Variants in ADAM28 observed in about 807,000 individuals in gnomAD.
ADAM28 encodes the protein disintegrin and metalloproteinase domain-containing protein 28.
ADAM28 carries 105 observed loss-of-function variants against 101.2 expected under a neutral mutation model. The observed-to-expected ratio is 1.04, with a 90% CI of 0.89 to 1.22. The LOEUF (loss-of-function observed/expected upper bound fraction) is 1.22, where lower values mean the gene tolerates loss of function less well. ADAM28 is among the 50% of genes most tolerant of loss of function. The probability of loss-of-function intolerance (pLI) is 0.00; values close to 1 mark genes in which losing one functional copy is unlikely to be tolerated. For synonymous variants in ADAM28, 322 were observed against 310.6 expected (o/e 1.04, Z -0.39); for missense variants, 1,028 against 945.4 (o/e 1.09, Z -1.15).
At chr8:24,324,120 G>T in intron 9 of ADAM28, 117 bp downstream of exon 9, 1 of 836,268 alleles carries the variant, frequency 1.2e-6, no homozygotes, top group Non-Finnish European at 1.7e-6. Context: ...CACTTACTTG[G>T]ATTATATGTC....
intron 13 of ADAM28, among the ~76,000 whole-genome samples, chr8:24,333,191 T>C (rs972589374): frequency 6.6e-6 from 1 of 152,060 alleles, no homozygotes. Context: ...GAGATGATGG[T>C]CAAAAGGGAC....
At chr8:24,350,352 C>G (rs548531931) in intron 19 of ADAM28, among the ~76,000 whole-genome samples, 1 of 152,214 alleles carries the variant, frequency 6.6e-6, no homozygotes, top group South Asian at 2.1e-4. Flanking sequence ...CCCTCTGTGG[C>G]CCAGGCTGGA....
Position 24,343,166 on chromosome 8 carries a change from G to C in ADAM28, c.1896G>C (p.Lys632Asn). 6.2e-7 allele frequency: 1 copy of C among 1,613,814 alleles called. No homozygotes were observed. Among genetic ancestry groups the C allele is most frequent in the African/African-American group, 1.3e-5 (1 of 75,032 alleles). The change falls in exon 17 of 23, where the codon AAG becomes AAC. Residue 632 changes from lysine (K) to asparagine (N), a missense_variant. Coordinates refer to ENST00000265769, the MANE Select transcript of ADAM28 (RefSeq NM_014265.6). ...KAYKSTNCSS[K>N]CKGHAVCDHE... is the part of the protein sequence containing the mutation. Reference sequence around the variant, plus strand: ...ACAAATCAACCAATTGCTCATCTAAGTGCAAAGGACATGCTGTAAGTTCTG... The same window carrying C: ...ACAAATCAACCAATTGCTCATCTAACTGCAAAGGACATGCTGTAAGTTCTG...
At chr8:24,351,152 T>A (rs904049960) in intron 19 of ADAM28, 80 bp from the exon 20 acceptor site, 2 of 1,169,722 alleles carry the variant, frequency 1.7e-6, no homozygotes, top group Non-Finnish European at 2.4e-6. Context: ...GAAAAAGAAG[T>A]TGGGAATCTT....
chr8:24,308,682 A>G (rs1210903366), intron 2 of ADAM28: 1 of 456,132 alleles, frequency 2.2e-6, no homozygotes, highest in Admixed American at 2.3e-5. Flanking sequence ...ATCAACCTCT[A>G]CTTATCTAGG....
At chr8:24,350,607 G>A (rs1323924598) in intron 19 of ADAM28, among the ~76,000 whole-genome samples, 3 of 152,066 alleles carry the variant, frequency 2.0e-5, no homozygotes, top group South Asian at 2.1e-4. Flanking sequence ...CTCCACACCC[G>A]GCCGTGTGCT....
In ADAM28 at chr8:24,339,531, C is replaced by T. The variant is rs147269596; in HGVS notation, c.1633C>T (p.Arg545Cys). The change falls in exon 15 of 23, where the codon CGC becomes TGC. Residue 545 changes from arginine (R) to cysteine (C), a missense_variant. Transcript: ENST00000265769. The part of the protein sequence containing the change: ...NEGGSKYGYC[R>C]RVDDTLIPCK... Reference sequence around the variant, plus strand: ...AGGTGGGTCAAAGTACGGGTACTGTCGCAGAGTGGATGACACACTCATTCC... The same window carrying T: ...AGGTGGGTCAAAGTACGGGTACTGTTGCAGAGTGGATGACACACTCATTCC... The T allele has an allele frequency of 1.5e-4, 236 of 1,612,894 alleles. No homozygotes were observed. In the East Asian group the frequency reaches 4.0e-3, roughly 27 times the overall value.
intron 16 of ADAM28, among the ~76,000 whole-genome samples, chr8:24,342,722 A>G (rs62498246): frequency 0.18 from 26,717 of 152,006 alleles, 2,471 homozygotes; most frequent in East Asian, 0.34. Context: ...CCTGGCATGG[A>G]TGTTGCAGTG....
chr8:24,354,594 C>A lies in ADAM28; in HGVS notation c.*190C>A. The A allele has an allele frequency of 2.1e-6, 1 of 482,722 alleles. No homozygotes were observed. The allele number at this position is 482,722 out of a possible 1,614,324, so 29.9% of individuals were successfully genotyped here. ...TCAAGAGGAACATATGCCTGAGAAC[C>A]TTTGCATGAATTTAAAATTTCAATT... On this transcript the variant is annotated 3_prime_UTR_variant, in exon 23 of 23. Transcript: ENST00000265769.
At chr8:24,299,934 G>T (rs766858101) in intron 1 of ADAM28, 40 bp from the exon 2 acceptor site, 14 of 1,540,790 alleles carry the variant, frequency 9.1e-6, no homozygotes, top group Admixed American at 1.7e-5. Context: ...GCCTACTTCA[G>T]TTCTACCTGG....
intron 13 of ADAM28, among the ~76,000 whole-genome samples, chr8:24,333,873 C>G (rs1013362939): frequency 6.6e-5 from 10 of 152,102 alleles, no homozygotes; most frequent in African/African-American, 1.9e-4. Context: ...TGTTTCCATA[C>G]TCAGATTGAC....
chr8:24,341,488 A>G (rs1814755780), intron 15 of ADAM28, 110 bp from the exon 16 acceptor site: 1 of 1,114,470 alleles, frequency 9.0e-7, no homozygotes, highest in African/African-American at 1.6e-5. Context: ...AAGTACAACT[A>G]AGAGTCTCGG....
At position 24,313,496 on chromosome 8, in the gene ADAM28, T is replaced by G; in HGVS notation, c.492T>G (p.Asn164Lys). The G allele has an allele frequency of 6.2e-7, 1 of 1,613,874 alleles. No individual in the cohort carries two copies. The highest frequency in any genetic ancestry group is 1.3e-5 in the African/African-American group (1 of 74,998). The change falls in exon 6 of 23, where the codon AAT (asparagine) becomes AAG (lysine). Residue 164 changes from asparagine to lysine, a missense_variant. Physicochemically the swap from Asn to Lys is moderately conservative, Grantham distance 94. Transcript: ENST00000265769. ...TCAAGTATAACCCTGATGAAAAGAA[T>G]TATGACAGCACCTGTGGGATGGATG... ...ALFKYNPDEK[N>K]YDSTCGMDGV...
At position 24,303,841 on chromosome 8, in the gene ADAM28, T is replaced by C. The variant is rs371006641; in HGVS notation, c.150+3764T>C. On this transcript the variant is annotated intron_variant, in intron 2 of 22. Coordinates refer to ENST00000265769, the MANE Select transcript of ADAM28 (RefSeq NM_014265.6). ...CTTAAGCAGTGGTTTGTGTTCTCCT[T>C]GAAGAGGTCCTTCACTTCCCTTGTT... Among the ~76,000 whole-genome samples the C allele has an allele frequency of 2.6e-5, 4 of 152,278 alleles. No homozygotes were observed. In the South Asian group the frequency reaches 8.3e-4, roughly 32 times the overall value.
At position 24,343,136 on chromosome 8, in the gene ADAM28, A is replaced by G; in HGVS notation, c.1866A>G (p.Lys622=). 1 of 1,613,854 alleles carries G rather than the reference A, an allele frequency of 6.2e-7. No individual in the cohort carries two copies. The highest frequency in any genetic ancestry group is 8.5e-7 in the Non-Finnish European group (1 of 1,179,808). ...CINAECVDIE[K]AYKSTNCSSK... ...ATGCAGAATGTGTGGATATTGAGAA[A>G]GCCTACAAATCAACCAATTGCTCAT... The change falls in exon 17 of 23, where the codon AAA becomes AAG. Residue 622 remains lysine, a synonymous_variant. Transcript: ENST00000265769.
intron 9 of ADAM28, chr8:24,324,897 TC>T (rs1812340791): frequency 6.6e-6 from 1 of 151,988 alleles, no homozygotes; most frequent in Admixed American, 6.6e-5. Context: ...AGATAATGCA[TC>T]AAGGTTTTTT....
intron 13 of ADAM28, 116 bp from the exon 14 acceptor site, chr8:24,335,330 A>G: frequency 7.0e-7 from 1 of 1,425,700 alleles, no homozygotes; most frequent in Non-Finnish European, 9.2e-7. Flanking sequence ...CAGTGAAATG[A>G]CACCTCCAAC....
chr8:24,312,704 A>G (rs1810632126), intron 5 of ADAM28, among the ~76,000 whole-genome samples: 1 of 151,920 alleles, frequency 6.6e-6, no homozygotes, highest in African/African-American at 2.4e-5. Context: ...TCCTCATTTG[A>G]ACATAAGCTC....
chr8:24,335,294 G>C lies in ADAM28; in HGVS notation c.1372-152G>C, dbSNP rs1033067373. On this transcript the variant is annotated intron_variant, in intron 13 of 22. Coordinates refer to ENST00000265769, the MANE Select transcript of ADAM28 (RefSeq NM_014265.6). ...AATAGAAGTGATATAACAGATCATGGCTTTAATTTATGACAATGTAAGCTT... is the reference window on the plus strand; with the variant it reads ...AATAGAAGTGATATAACAGATCATGCCTTTAATTTATGACAATGTAAGCTT... The C allele has an allele frequency of 4.5e-6, 6 of 1,321,048 alleles. No individual in the cohort carries two copies. The African/African-American group carries it at 7.4e-5, about 16-fold the overall frequency. The allele number at this position is 1,321,048 out of a possible 1,614,324, so 81.8% of individuals were successfully genotyped here. A position where few individuals can be genotyped will look rare whatever the true frequency, so the allele number is the denominator to read the frequency against.
Sources: gnomAD v4.1 joint callset for allele counts (sites outside exome capture counted in the v4.1 genomes callset) on GRCh38, gnomAD v4.1.1 for gene constraint, MANE v1.5 for transcripts, NCBI Gene and HGNC (gene_info 2026-07-23, HGNC 2026-07-21) for gene names.